Variants in PAK5 observed in about 807,000 individuals in gnomAD.
The protein encoded by PAK5 is serine/threonine-protein kinase PAK 5.
A neutral mutation model predicts 65.9 loss-of-function variants in PAK5; 16 were observed. The ratio of observed to expected loss-of-function variants is 0.24; its 90% CI spans 0.16 to 0.37. PAK5 has a LOEUF of 0.37. Ranked by LOEUF, PAK5 falls within the 10% of genes least tolerant of loss-of-function variation. The pLI is 1.00. For synonymous variants in PAK5, 371 were observed against 354.9 expected (o/e 1.05, Z -0.51); for missense variants, 785 against 903.9 (o/e 0.87, Z 1.69).
chr20:9,642,730 T>G lies in PAK5; in HGVS notation c.204+1395A>C, dbSNP rs2047085515. ...CTAGTAGAGTTGGTTAGTCAGTTTC[T>G]AATAAATATCAATTGATATCTGTTT... On this transcript the variant is annotated intron_variant, in intron 3 of 9. Transcript: ENST00000353224. Among the ~76,000 whole-genome samples, 3 of 152,224 alleles carry G rather than the reference T, an allele frequency of 2.0e-5. No individual in the cohort carries two copies. The South Asian group carries it at 6.2e-4, about 32-fold the overall frequency.
At chr20:9,644,455 C>T (rs919147598) in intron 2 of PAK5, 116 bp from the exon 3 acceptor site, 1 of 658,318 alleles carries the variant, frequency 1.5e-6, no homozygotes, top group Non-Finnish European at 2.6e-6. Context: ...CTCTAGATCC[C>T]AGCTGCAAAA....
chr20:9,793,473 G>C (rs540661024), intron 1 of PAK5, among the ~76,000 whole-genome samples: 3 of 152,156 alleles, frequency 2.0e-5, no homozygotes, highest in Admixed American at 2.0e-4. Flanking sequence ...TCCAGAGGGA[G>C]AAAAAGACAA....
chr20:9,673,452 T>C (rs1420960959), intron 2 of PAK5, among the ~76,000 whole-genome samples: 1 of 152,222 alleles, frequency 6.6e-6, no homozygotes, highest in African/African-American at 2.4e-5. Context: ...ATGTGGCTGC[T>C]GAGACTGCAG....
At chr20:9,625,281 G>T (rs1339269342) in intron 3 of PAK5, among the ~76,000 whole-genome samples, 2 of 152,104 alleles carry the variant, frequency 1.3e-5, no homozygotes, top group Non-Finnish European at 2.9e-5. Flanking sequence ...TCTCTGCCCG[G>T]ACACCCTCTC....
At chr20:9,806,882 T>A (rs536061602) in intron 1 of PAK5, among the ~76,000 whole-genome samples, 81 of 152,322 alleles carry the variant, frequency 5.3e-4, no homozygotes, top group African/African-American at 1.7e-3. Flanking sequence ...ATGGGTCTTA[T>A]GCATGAAAAT....
chr20:9,609,889 C>T (rs948187554), intron 3 of PAK5, among the ~76,000 whole-genome samples: 2 of 152,160 alleles, frequency 1.3e-5, no homozygotes, highest in South Asian at 4.1e-4. Context: ...GGATATGTAA[C>T]ACTCTAAATC....
intron 3 of PAK5, among the ~76,000 whole-genome samples, chr20:9,581,802 T>C (rs905507199): frequency 8.5e-5 from 13 of 152,056 alleles, no homozygotes; most frequent in African/African-American, 3.1e-4. Flanking sequence ...TGCAGGCAAA[T>C]ATGATGGGGG....
At chr20:9,554,240 T>A (rs1158386993) in intron 7 of PAK5, among the ~76,000 whole-genome samples, 1 of 152,208 alleles carries the variant, frequency 6.6e-6, no homozygotes, top group African/African-American at 2.4e-5. Flanking sequence ...GCCCCCTGAA[T>A]CTGGAAGGGC....
chr20:9,656,255 A>G (rs1281521092), intron 2 of PAK5, among the ~76,000 whole-genome samples: 4 of 152,088 alleles, frequency 2.6e-5, no homozygotes, highest in Admixed American at 2.0e-4. Flanking sequence ...ATGAGCAGTA[A>G]TATTTGTTGA....
chr20:9,597,549 G>T (rs115290786), intron 3 of PAK5, among the ~76,000 whole-genome samples: 1 of 152,278 alleles, frequency 6.6e-6, no homozygotes, highest in East Asian at 1.9e-4. Flanking sequence ...TGCAAAAGTG[G>T]TTCCAATTCT....
intron 2 of PAK5, among the ~76,000 whole-genome samples, chr20:9,684,892 C>T (rs895212398): frequency 6.6e-6 from 1 of 152,128 alleles, no homozygotes; most frequent in African/African-American, 2.4e-5. Context: ...CCTGCCTTGG[C>T]AAATGTCCTT....
chr20:9,558,005 C>CTCAT (rs1422569328), intron 6 of PAK5, among the ~76,000 whole-genome samples: 2 of 122,500 alleles, frequency 1.6e-5, no homozygotes, highest in East Asian at 2.7e-4. Context: ...CTTCCAGGAA[C>CTCAT]TCATTTATTT....
chr20:9,701,887 C>A (rs1389470461), intron 2 of PAK5, among the ~76,000 whole-genome samples: 2 of 151,926 alleles, frequency 1.3e-5, no homozygotes, highest in East Asian at 1.9e-4. Flanking sequence ...GTAGTCCCAG[C>A]TACTTGGGAG....
chr20:9,820,633 T>C (rs2049408428), intron 1 of PAK5, among the ~76,000 whole-genome samples: 1 of 152,212 alleles, frequency 6.6e-6, no homozygotes, highest in African/African-American at 2.4e-5. Flanking sequence ...GCCTCTTCCT[T>C]CCTGCCTCTT....
chr20:9,537,940 G>A lies in PAK5; in HGVS notation c.*1522C>T, dbSNP rs1045963852. Reference sequence around the variant, plus strand: ...TTACAAAAATTCTTAATTATGCTTAGAGCAACCAGAGCGCTATCACAAATT... The same window carrying A: ...TTACAAAAATTCTTAATTATGCTTAAAGCAACCAGAGCGCTATCACAAATT... On this transcript the variant is annotated 3_prime_UTR_variant, in exon 10 of 10. Transcript: ENST00000353224. 4.3e-6 allele frequency: 1 copy of A among 230,696 alleles called. No individual in the cohort carries two copies. Among genetic ancestry groups the A allele is most frequent in the Non-Finnish European group, 8.6e-6 (1 of 116,336 alleles). 14.3% of individuals were successfully genotyped at this position (230,696 alleles called of 1,614,324 possible). A position where few individuals can be genotyped will look rare whatever the true frequency, so the allele number is the denominator to read the frequency against.
chr20:9,757,850 C>T (rs1316204415), intron 1 of PAK5, among the ~76,000 whole-genome samples: 1 of 152,138 alleles, frequency 6.6e-6, no homozygotes, highest in African/African-American at 2.4e-5. Flanking sequence ...AATCAGTTCC[C>T]TGGATAAAAT....
chr20:9,594,180 A>G (rs1278766942), intron 3 of PAK5, among the ~76,000 whole-genome samples: 1 of 152,164 alleles, frequency 6.6e-6, no homozygotes, highest in African/African-American at 2.4e-5. Flanking sequence ...TCCTCCTGCC[A>G]CTCAAAGCTT....
chr20:9,622,959 T>C (rs1371012990), intron 3 of PAK5, among the ~76,000 whole-genome samples: 1 of 152,208 alleles, frequency 6.6e-6, no homozygotes, highest in Non-Finnish European at 1.5e-5. Context: ...TAAGACTGTC[T>C]AGGAATGATG....
chr20:9,697,490 A>G (rs2047884515), intron 2 of PAK5, among the ~76,000 whole-genome samples: 2 of 152,078 alleles, frequency 1.3e-5, no homozygotes, highest in Admixed American at 6.6e-5. Context: ...CTCTCAGAGA[A>G]GCTCCCCAAC....
Sources: allele counts gnomAD v4.1 joint callset (sites outside exome capture counted in the v4.1 genomes callset), GRCh38; gene constraint gnomAD v4.1.1; transcripts MANE v1.5; gene names NCBI Gene and HGNC (gene_info 2026-07-23, HGNC 2026-07-21).